The following GOLIM4 variants were observed in gnomAD, a reference collection of about 807,000 sequenced individuals.
GOLIM4 encodes golgi integral membrane protein 4.
In GOLIM4, 71 loss-of-function variants were observed where a neutral mutation model predicts 107.4. That is an observed-to-expected ratio of 0.66 (90% CI 0.55 to 0.81). The LOEUF (loss-of-function observed/expected upper bound fraction) is 0.81. Among genes scored for constraint, GOLIM4 ranks in the 30% least tolerant of loss-of-function variants. The probability of loss-of-function intolerance (pLI) is 0.00; values close to 1 mark genes in which losing one functional copy is unlikely to be tolerated. For missense variants in GOLIM4, 830 were observed against 826.1 expected, an observed-to-expected ratio of 1.00 and a Z score of -0.06; for synonymous variants, 327 against 294.8, an observed-to-expected ratio of 1.11 and a Z score of -1.12.
In GOLIM4 at chr3:168,008,860, G is replaced by A. The variant is rs2108198929; in HGVS notation, c.*1409C>T. ...ACATAATGGGTTTTTATACATAAAG[G>A]TAAGATTTCTGATTATTGGAAATAC... On this transcript the variant is annotated 3_prime_UTR_variant, in exon 16 of 16. Transcript: ENST00000470487. 1 of 152,006 alleles carries A rather than the reference G, an allele frequency of 6.6e-6. No individual in the cohort carries two copies. Among genetic ancestry groups the A allele is most frequent in the African/African-American group, 2.4e-5 (1 of 41,486 alleles). The allele number at this position is 152,006 out of a possible 1,614,324, so 9.4% of individuals were successfully genotyped here.
At chr3:168,039,131 C>T (rs1718825686) in intron 7 of GOLIM4, among the ~76,000 whole-genome samples, 1 of 151,942 alleles carries the variant, frequency 6.6e-6, no homozygotes, top group African/African-American at 2.4e-5. Context: ...AAGTAACTAA[C>T]ACATATGGCT....
chr3:168,040,705 TA>T, intron 7 of GOLIM4, 80 bp downstream of exon 7: 1 of 846,968 alleles, frequency 1.2e-6, no homozygotes, highest in Non-Finnish European at 2.0e-6. Flanking sequence ...GATTGGCTTG[TA>T]AGAGACTACA....
chr3:168,029,444 T>C (rs948842190), intron 10 of GOLIM4, 142 bp from the exon 11 acceptor site: 1 of 564,268 alleles, frequency 1.8e-6, no homozygotes. Context: ...TAAAAACCTC[T>C]TATGTATGCA....
At position 168,088,428 on chromosome 3, in the gene GOLIM4, C is replaced by T. The variant is rs1044778618; in HGVS notation, c.187+6671G>A. Among the ~76,000 whole-genome samples the T allele has an allele frequency of 3.3e-5, 5 of 152,288 alleles. No individual in the cohort carries two copies. The South Asian group carries it at 8.3e-4, about 25-fold the overall frequency. On this transcript the variant is annotated intron_variant, in intron 1 of 15. Coordinates refer to ENST00000470487, the MANE Select transcript of GOLIM4 (RefSeq NM_014498.5). Reference sequence around the variant, plus strand: ...AATATTCTCCAGGACTCATACTCGTCACTTCAGATGCACTATTTCTAATCC... The same window carrying T: ...AATATTCTCCAGGACTCATACTCGTTACTTCAGATGCACTATTTCTAATCC...
chr3:168,071,751 A>G (rs1186636993), intron 1 of GOLIM4, among the ~76,000 whole-genome samples: 1 of 151,992 alleles, frequency 6.6e-6, no homozygotes, highest in Non-Finnish European at 1.5e-5. Flanking sequence ...GAGGGAGTGG[A>G]AAAATGTAGG....
intron 1 of GOLIM4, among the ~76,000 whole-genome samples, chr3:168,073,552 T>G (rs1720934785): frequency 6.6e-6 from 1 of 152,174 alleles, no homozygotes; most frequent in South Asian, 2.1e-4. Flanking sequence ...ATACCAGTTT[T>G]TGTATTAAAG....
intron 11 of GOLIM4, among the ~76,000 whole-genome samples, 200 bp from the exon 12 acceptor site, chr3:168,028,037 G>A (rs1718105010): frequency 6.6e-6 from 1 of 152,158 alleles, no homozygotes; most frequent in Non-Finnish European, 1.5e-5. Flanking sequence ...GAGATGATAT[G>A]GGTCAGACAC....
intron 6 of GOLIM4, chr3:168,041,088 A>G (rs758248047): frequency 2.0e-6 from 1 of 503,066 alleles, no homozygotes; most frequent in Non-Finnish European, 3.5e-6. Context: ...ATTTATTTAC[A>G]ATGAAATCAA....
intron 1 of GOLIM4, among the ~76,000 whole-genome samples, chr3:168,077,062 T>G (rs1293224686): frequency 6.6e-6 from 1 of 152,224 alleles, no homozygotes; most frequent in African/African-American, 2.4e-5. Flanking sequence ...GTGACTAAAA[T>G]TATGTTGATG....
At chr3:168,041,856 TTCAG>T (rs1488601550) in intron 5 of GOLIM4, among the ~76,000 whole-genome samples, 1 of 151,836 alleles carries the variant, frequency 6.6e-6, no homozygotes, top group African/African-American at 2.4e-5. Flanking sequence ...GCTTCAGCAT[TTCAG>T]TCAAATTTTT....
Position 168,095,088 on chromosome 3 carries a change from G to A in GOLIM4, c.187+11C>T. ...GTTGGCCACCGGCTGCGCGCGTCCC[G>A]TTAGCCGTACCTTGTAACTGGGCGG... On this transcript the variant is annotated intron_variant, in intron 1 of 15. Coordinates refer to ENST00000470487, the MANE Select transcript of GOLIM4 (RefSeq NM_014498.5). 2 of 1,585,766 alleles carry A rather than the reference G, an allele frequency of 1.3e-6. No homozygotes were observed. Among genetic ancestry groups the A allele is most frequent in the African/African-American group, 1.3e-5 (1 of 74,128 alleles).
chr3:168,061,631 A>C (rs960480324), intron 1 of GOLIM4, among the ~76,000 whole-genome samples: 5 of 152,250 alleles, frequency 3.3e-5, no homozygotes, highest in African/African-American at 1.2e-4. Context: ...ATGTGAACAA[A>C]CTAAATAATT....
intron 2 of GOLIM4, among the ~76,000 whole-genome samples, chr3:168,047,284 T>C (rs1291857195): frequency 6.6e-6 from 1 of 152,202 alleles, no homozygotes; most frequent in African/African-American, 2.4e-5. Context: ...TTAACTCTCC[T>C]TGAAATTTAG....
At chr3:168,034,338 A>G (rs1290805045) in intron 8 of GOLIM4, among the ~76,000 whole-genome samples, 1 of 152,218 alleles carries the variant, frequency 6.6e-6, no homozygotes, top group Non-Finnish European at 1.5e-5. Flanking sequence ...TGAAGATCTG[A>G]GTCACTGGAA....
At chr3:168,039,354 G>A (rs1216049015) in intron 7 of GOLIM4, among the ~76,000 whole-genome samples, 9 of 149,302 alleles carry the variant, frequency 6.0e-5, no homozygotes, top group Admixed American at 2.7e-4. Flanking sequence ...CCTCCGCCCC[G>A]CTGGGTTCCA....
Position 168,010,343 on chromosome 3 carries a change from A to G in GOLIM4, c.2017T>C (p.Tyr673His), listed in dbSNP as rs1319304775. 2 of 1,613,630 alleles carry G rather than the reference A, an allele frequency of 1.2e-6. No individual in the cohort carries two copies. The highest frequency in any genetic ancestry group is 1.3e-5 in the African/African-American group (1 of 74,970). The change falls in exon 16 of 16, where the codon TAC becomes CAC. Residue 673 changes from tyrosine (Y) to histidine (H), a missense_variant. By Grantham distance (83) the Tyr-to-His change is moderately conservative. Transcript: ENST00000470487. Reference sequence around the variant, plus strand: ...TCTTCCTCCTCTTCTTCCTCCTCGTAGTGTTCCTCTCGGCCTTTGGGGCGG... The same window carrying G: ...TCTTCCTCCTCTTCTTCCTCCTCGTGGTGTTCCTCTCGGCCTTTGGGGCGG... ...DNRPKGREEH[Y>H]EEEEEEEEDG... is the part of the protein sequence containing the mutation.
chr3:168,012,229 C>A (rs1717084962), intron 14 of GOLIM4, among the ~76,000 whole-genome samples: 1 of 131,976 alleles, frequency 7.6e-6, no homozygotes, highest in Non-Finnish European at 1.5e-5. Flanking sequence ...GGCTCGAGAA[C>A]TACATGAAGA....
At chr3:168,090,260 T>C (rs1401902154) in intron 1 of GOLIM4, among the ~76,000 whole-genome samples, 10 of 150,150 alleles carry the variant, frequency 6.7e-5, no homozygotes, top group Admixed American at 2.0e-4. Flanking sequence ...TAGGAAAAAA[T>C]ATCTGCAAAG....
Position 168,027,855 on chromosome 3 carries a change from C to T in GOLIM4, c.1514-18G>A. ...TTCATAGGCTAGCAAATCAAAGGAA[C>T]TAAAATCAGCCCAAAATGAATCAAA... is the stretch of plus-strand genomic sequence containing the variant. On this transcript the variant is annotated intron_variant, in intron 11 of 15. Coordinates refer to ENST00000470487, the MANE Select transcript of GOLIM4 (RefSeq NM_014498.5). 1 of 1,470,144 alleles carries T rather than the reference C, an allele frequency of 6.8e-7. No homozygotes were observed. Among genetic ancestry groups the T allele is most frequent in the Non-Finnish European group, 9.5e-7 (1 of 1,050,368 alleles). The allele number at this position is 1,470,144 out of a possible 1,614,324, so 91.1% of individuals were successfully genotyped here. A position where few individuals can be genotyped will look rare whatever the true frequency, so the allele number is the denominator to read the frequency against.
Sources: allele counts gnomAD v4.1 joint callset (sites outside exome capture counted in the v4.1 genomes callset), GRCh38; gene constraint gnomAD v4.1.1; transcripts MANE v1.5; gene names NCBI Gene and HGNC (gene_info 2026-07-23, HGNC 2026-07-21).